The following MAEA variants were observed in gnomAD, a reference collection of about 807,000 sequenced individuals.
MAEA encodes E3 ubiquitin-protein transferase MAEA.
Under a neutral mutation model 46.2 loss-of-function variants are expected in MAEA, and 22 were observed. The ratio of observed to expected loss-of-function variants is 0.48; its 90% CI spans 0.34 to 0.68. MAEA has a LOEUF of 0.68. Among genes scored for constraint, MAEA ranks in the 30% least tolerant of loss-of-function variants. MAEA has a pLI of 0.01. For synonymous variants in MAEA, 246 were observed against 222.6 expected, an observed-to-expected ratio of 1.11 and a Z score of -0.94; for missense variants, 393 against 558.1, an observed-to-expected ratio of 0.70 and a Z score of 2.98.
chr4:1,316,746 C>T (rs1211177244), intron 3 of MAEA, among the ~76,000 whole-genome samples: 1 of 152,136 alleles, frequency 6.6e-6, no homozygotes, highest in Non-Finnish European at 1.5e-5. Context: ...CAGCACAAGG[C>T]TCCCTTCCCA....
At chr4:1,300,363 T>TG (rs1334568790) in intron 1 of MAEA, among the ~76,000 whole-genome samples, 1 of 152,236 alleles carries the variant, frequency 6.6e-6, no homozygotes, top group African/African-American at 2.4e-5. Context: ...GGCTGGGCCT[T>TG]GCCAGACACC....
At chr4:1,326,312 G>A (rs142229636) in intron 4 of MAEA, among the ~76,000 whole-genome samples, 1 of 152,344 alleles carries the variant, frequency 6.6e-6, no homozygotes, top group Non-Finnish European at 1.5e-5. Context: ...AGAGTGACAC[G>A]CGGCCCCAGC....
chr4:1,338,232 C>T (rs535722445), intron 7 of MAEA, 190 bp from the exon 8 acceptor site: 35 of 538,340 alleles, frequency 6.5e-5, no homozygotes, highest in East Asian at 2.4e-4. Flanking sequence ...TTGTCTCCAC[C>T]GAGGCCTCAG....
At chr4:1,308,503 T>C (rs190989450) in intron 1 of MAEA, among the ~76,000 whole-genome samples, 4 of 152,250 alleles carry the variant, frequency 2.6e-5, no homozygotes, top group Admixed American at 6.5e-5. Context: ...AGGAATTGCC[T>C]CGCTGCTCTA....
Position 1,339,191 on chromosome 4 carries a change from G to A in MAEA, c.*22G>A, listed in dbSNP as rs752091706. 55 of 1,595,094 alleles carry A rather than the reference G, an allele frequency of 3.4e-5. No homozygotes were observed. Among genetic ancestry groups the A allele is most frequent in the Non-Finnish European group, 4.6e-5 (54 of 1,163,236 alleles). ...GTAGGCCCCACGTCGTGAAGCGCAC[G>A]CCTCGGGGACGGGCTGCAGTGGGCG... On this transcript the variant is annotated 3_prime_UTR_variant, in exon 9 of 9. Transcript: ENST00000303400.
chr4:1,297,821 C>G (rs759894911), intron 1 of MAEA: 10 of 339,874 alleles, frequency 2.9e-5, no homozygotes, highest in Middle Eastern at 4.7e-4. Flanking sequence ...TTGCCGCATT[C>G]TAGAGTATGT....
chr4:1,338,125 G>A (rs1046577180), intron 7 of MAEA: 4 of 387,906 alleles, frequency 1.0e-5, no homozygotes, highest in Non-Finnish European at 1.9e-5. Context: ...GTCCTGCCTG[G>A]AGAGGTTGCG....
intron 4 of MAEA, among the ~76,000 whole-genome samples, chr4:1,325,462 T>C (rs957931684): frequency 2.0e-5 from 3 of 152,252 alleles, no homozygotes; most frequent in Non-Finnish European, 4.4e-5. Context: ...ACTTACATAT[T>C]AGTGGACCAA....
At chr4:1,310,480 C>T (rs1036782410) in intron 1 of MAEA, among the ~76,000 whole-genome samples, 2 of 152,216 alleles carry the variant, frequency 1.3e-5, no homozygotes, top group African/African-American at 4.8e-5. Context: ...ACACACGGTG[C>T]CTGGCTTCGA....
intron 2 of MAEA, among the ~76,000 whole-genome samples, chr4:1,313,598 C>T (rs947562785): frequency 2.0e-5 from 3 of 152,036 alleles, no homozygotes; most frequent in African/African-American, 7.2e-5. Flanking sequence ...CTGGTGCCCT[C>T]CTGTAGCCCC....
At chr4:1,309,678 T>TG (rs1418408419) in intron 1 of MAEA, 1 of 1,531,048 alleles carries the variant, frequency 6.5e-7, no homozygotes, top group Non-Finnish European at 8.7e-7. Flanking sequence ...GGCAGGGAGG[T>TG]GGGGTCTTCC....
At chr4:1,322,837 T>C (rs1738302070) in intron 4 of MAEA, among the ~76,000 whole-genome samples, 1 of 151,570 alleles carries the variant, frequency 6.6e-6, no homozygotes, top group Non-Finnish European at 1.5e-5. Context: ...GGGTACTCCA[T>C]GGGCTCCCTG....
At chr4:1,320,809 A>G (rs1214750211) in intron 3 of MAEA, among the ~76,000 whole-genome samples, 1 of 152,092 alleles carries the variant, frequency 6.6e-6, no homozygotes, top group African/African-American at 2.4e-5. Context: ...ATCAAAGCAA[A>G]CATGCAAGAG....
At chr4:1,293,905 C>T (rs1005198788) in intron 1 of MAEA, among the ~76,000 whole-genome samples, 4 of 152,232 alleles carry the variant, frequency 2.6e-5, no homozygotes, top group Non-Finnish European at 5.9e-5. Context: ...GAAGTTGTAA[C>T]TGCTCCTGCG....
intron 1 of MAEA, among the ~76,000 whole-genome samples, chr4:1,308,064 C>T (rs989873490): frequency 2.6e-5 from 4 of 151,428 alleles, no homozygotes; most frequent in African/African-American, 7.3e-5. Flanking sequence ...GGCGACTTTG[C>T]GGTGTGAACA....
intron 6 of MAEA, among the ~76,000 whole-genome samples, chr4:1,336,144 G>A (rs1712726113): frequency 6.6e-6 from 1 of 151,494 alleles, no homozygotes; most frequent in Admixed American, 6.6e-5. Flanking sequence ...GTTGAAATCA[G>A]GGAGTTAGAT....
At chr4:1,296,631 A>C (rs1734754871) in intron 1 of MAEA, among the ~76,000 whole-genome samples, 1 of 109,434 alleles carries the variant, frequency 9.1e-6, no homozygotes, top group African/African-American at 3.7e-5. Flanking sequence ...CTCTCGTGAA[A>C]ACCCCTTCCT....
In MAEA at chr4:1,339,186, C is replaced by T. The variant is rs760341258; in HGVS notation, c.*17C>T. 6.9e-6 allele frequency: 11 copies of T among 1,602,638 alleles called. No homozygotes were observed. Among genetic ancestry groups the T allele is most frequent in the South Asian group, 6.6e-5 (6 of 90,862 alleles). Reference sequence around the variant, plus strand: ...ATCATGTAGGCCCCACGTCGTGAAGCGCACGCCTCGGGGACGGGCTGCAGT... The same window carrying T: ...ATCATGTAGGCCCCACGTCGTGAAGTGCACGCCTCGGGGACGGGCTGCAGT... On this transcript the variant is annotated 3_prime_UTR_variant, in exon 9 of 9. Coordinates refer to ENST00000303400, the MANE Select transcript of MAEA (RefSeq NM_001017405.3).
intron 1 of MAEA, among the ~76,000 whole-genome samples, chr4:1,308,226 A>G (rs1215731707): frequency 6.6e-6 from 1 of 152,106 alleles, no homozygotes; most frequent in Non-Finnish European, 1.5e-5. Context: ...TGCATGGAAC[A>G]CATCGAAACA....
Sources: allele counts gnomAD v4.1 joint callset (sites outside exome capture counted in the v4.1 genomes callset), GRCh38; gene constraint gnomAD v4.1.1; transcripts MANE v1.5; gene names NCBI Gene and HGNC (gene_info 2026-07-23, HGNC 2026-07-21).